Variants in ZNF652 observed in about 807,000 individuals in gnomAD.
ZNF652 encodes zinc finger protein 652.
A neutral mutation model predicts 45.2 loss-of-function variants in ZNF652; 16 were observed. The observed-to-expected ratio is 0.35, with a 90% CI of 0.24 to 0.54. The LOEUF (loss-of-function observed/expected upper bound fraction) is 0.54, where lower values mean the gene tolerates loss of function less well. Among genes scored for constraint, ZNF652 ranks in the 20% least tolerant of loss-of-function variants. ZNF652 has a pLI of 0.91. For missense variants in ZNF652, 614 were observed against 765.6 expected (o/e 0.80, Z 2.34); for synonymous variants, 250 against 260.6 (o/e 0.96, Z 0.39).
intron 1 of ZNF652, among the ~76,000 whole-genome samples, chr17:49,354,508 G>C (rs1460654896): frequency 2.6e-5 from 4 of 151,354 alleles, no homozygotes; most frequent in Non-Finnish European, 5.9e-5. Flanking sequence ...CTACTCGGGA[G>C]GCCAAGGCAG....
chr17:49,305,620 C>T (rs1443294156), intron 5 of ZNF652, among the ~76,000 whole-genome samples: 12 of 152,052 alleles, frequency 7.9e-5, no homozygotes, highest in Admixed American at 7.9e-4. Flanking sequence ...GCACATAGTA[C>T]TCAATGCATT....
intron 3 of ZNF652, among the ~76,000 whole-genome samples, chr17:49,312,389 C>T (rs756474036): frequency 2.1e-4 from 32 of 152,208 alleles, no homozygotes; most frequent in Non-Finnish European, 4.1e-4. Flanking sequence ...TGGTTCCGAA[C>T]TCCTGACTTA....
Position 49,317,689 on chromosome 17 carries a change from C to A in ZNF652, c.37G>T (p.Glu13Ter). 1 of 1,601,310 alleles carries A rather than the reference C, an allele frequency of 6.2e-7. No homozygotes were observed. The highest frequency in any genetic ancestry group is 8.5e-7 in the Non-Finnish European group (1 of 1,169,654). ...CCTGCTACATGCACAGCACAGTTTT[C>A]AACCAGCTCCTGACAAGAACTGGCT... ...HTASSCQELV[E>*]NCAVHVAGMA... Residue 13 changes from glutamate to a stop codon, truncating the protein, a stop_gained, in exon 2 of 6, where the codon GAA becomes TAA. Transcript: ENST00000430262. LOFTEE classifies it high-confidence loss of function.
chr17:49,314,484 G>T (rs910172385), intron 2 of ZNF652, among the ~76,000 whole-genome samples: 3 of 151,912 alleles, frequency 2.0e-5, no homozygotes, highest in Admixed American at 6.6e-5. Flanking sequence ...AAAAATTAAA[G>T]AAAATTTTTT....
intron 1 of ZNF652, among the ~76,000 whole-genome samples, chr17:49,352,052 T>C (rs1026295922): frequency 6.6e-6 from 1 of 152,170 alleles, no homozygotes; most frequent in Admixed American, 6.6e-5. Context: ...AGTTCACAGG[T>C]TGTCAATGTT....
chr17:49,347,753 T>A (rs1043202890), intron 1 of ZNF652, among the ~76,000 whole-genome samples: 6 of 144,212 alleles, frequency 4.2e-5, no homozygotes, highest in Non-Finnish European at 9.1e-5. Flanking sequence ...TTTTTTTTTT[T>A]TTTTTTTTTT....
intron 1 of ZNF652, among the ~76,000 whole-genome samples, chr17:49,333,063 A>ATT (rs879943097): frequency 2.0e-5 from 3 of 146,474 alleles, no homozygotes; most frequent in African/African-American, 7.5e-5. Flanking sequence ...AAATAAAATA[A>ATT]TTTTTTTTTT....
At chr17:49,307,994 A>T (rs1162469259) in intron 5 of ZNF652, among the ~76,000 whole-genome samples, 3 of 152,186 alleles carry the variant, frequency 2.0e-5, no homozygotes, top group African/African-American at 7.2e-5. Flanking sequence ...TGTTTTTACT[A>T]TATACATGAA....
At position 49,302,734 on chromosome 17, in the gene ZNF652, C is replaced by T. The variant is rs560341434; in HGVS notation, c.1310-3810G>A. Among the ~76,000 whole-genome samples, 4 of 149,032 alleles carry T rather than the reference C, an allele frequency of 2.7e-5. No homozygotes were observed. In the South Asian group the frequency reaches 6.4e-4, roughly 24 times the overall value. On this transcript the variant is annotated intron_variant, in intron 5 of 5. Transcript: ENST00000430262. ...CCCAGCACTTTAGGAGGCTGAGGCA[C>T]GCGGATCATTTGAGGTCAGGAGTTC...
intron 1 of ZNF652, among the ~76,000 whole-genome samples, chr17:49,355,922 C>G (rs1027942292): frequency 1.3e-5 from 2 of 151,760 alleles, no homozygotes; most frequent in African/African-American, 4.8e-5. Context: ...ATCTAAAAAA[C>G]AAATCCTTCA....
chr17:49,348,981 A>G (rs1264301009), intron 1 of ZNF652, among the ~76,000 whole-genome samples: 1 of 152,250 alleles, frequency 6.6e-6, no homozygotes, highest in African/African-American at 2.4e-5. Context: ...ACAAAACAAA[A>G]AAAGAATTAA....
At position 49,337,825 on chromosome 17, in the gene ZNF652, C is replaced by T. The variant is rs539593800; in HGVS notation, c.-258-19842G>A. Among the ~76,000 whole-genome samples the T allele has an allele frequency of 1.1e-3, 165 of 152,210 alleles. 2 individuals are homozygous for T. Among genetic ancestry groups the T allele is most frequent in the African/African-American group, 3.8e-3 (159 of 41,514 alleles). The stretch of plus-strand genomic sequence containing the variant: ...TTCCTACATTCTATTCATGCATTTA[C>T]AAGCTTTGATTATTATCTACATGCA... On this transcript the variant is annotated intron_variant, in intron 1 of 5. Coordinates refer to ENST00000430262, the MANE Select transcript of ZNF652 (RefSeq NM_001145365.3).
intron 1 of ZNF652, among the ~76,000 whole-genome samples, chr17:49,337,733 T>C (rs2070101230): frequency 6.6e-6 from 1 of 152,312 alleles, no homozygotes; most frequent in East Asian, 1.9e-4. Context: ...AATTCCTTTT[T>C]CTTTTCTAAT....
chr17:49,351,018 C>T (rs9910644), intron 1 of ZNF652, among the ~76,000 whole-genome samples: 2,206 of 23,412 alleles, frequency 0.094, 62 homozygotes, highest in Middle Eastern at 0.14. Flanking sequence ...TATATATACA[C>T]ACACACACAC....
At chr17:49,324,127 G>T (rs761553964) in intron 1 of ZNF652, among the ~76,000 whole-genome samples, 1 of 152,206 alleles carries the variant, frequency 6.6e-6, no homozygotes, top group Non-Finnish European at 1.5e-5. Flanking sequence ...TGGATAACTT[G>T]CTGGAGCTTC....
chr17:49,303,991 C>T (rs1481917786), intron 5 of ZNF652, among the ~76,000 whole-genome samples: 3 of 151,860 alleles, frequency 2.0e-5, no homozygotes, highest in Non-Finnish European at 4.4e-5. Context: ...CAGGTTCATG[C>T]CATTCTCCTG....
At chr17:49,323,163 A>G (rs933842208) in intron 1 of ZNF652, among the ~76,000 whole-genome samples, 2 of 152,220 alleles carry the variant, frequency 1.3e-5, no homozygotes, top group African/African-American at 4.8e-5. Context: ...TCAAAATTGG[A>G]GTCAATCCTC....
At position 49,295,937 on chromosome 17, in the gene ZNF652, C is replaced by CAAAAAAAAAAAAAAA. The variant is rs147522359; in HGVS notation, c.*2461_*2475dup. 2.5e-4 allele frequency: 13 copies of CAAAAAAAAAAAAAAA among 51,258 alleles called. No individual in the cohort carries two copies. Among genetic ancestry groups the CAAAAAAAAAAAAAAA allele is most frequent in the African/African-American group, 2.9e-4 (4 of 13,628 alleles). 3.2% of individuals were successfully genotyped at this position (51,258 alleles called of 1,614,324 possible). ...CAGGCAACAGAACAAGACTCTGCCT[C>CAAAAAAAAAAAAAAA]AAAAAAAAAAAAAAAAAAAAAAAAA... On this transcript the variant is annotated 3_prime_UTR_variant, in exon 6 of 6. Transcript: ENST00000430262.
chr17:49,355,927 C>T, intron 1 of ZNF652, among the ~76,000 whole-genome samples: 1 of 151,906 alleles, frequency 6.6e-6, no homozygotes, highest in Non-Finnish European at 1.5e-5. Context: ...AAAAACAAAT[C>T]CTTCAAGTGT....
Sources: allele counts gnomAD v4.1 joint callset (sites outside exome capture counted in the v4.1 genomes callset), GRCh38; gene constraint gnomAD v4.1.1; transcripts MANE v1.5; gene names NCBI Gene and HGNC (gene_info 2026-07-23, HGNC 2026-07-21).